The following C4BPB variants were observed in gnomAD, a reference collection of about 807,000 sequenced individuals.
C4BPB encodes the protein C4b-binding protein beta chain.
In C4BPB, 19 loss-of-function variants were observed where a neutral mutation model predicts 26.6. The observed-to-expected ratio is 0.71, with a 90% CI of 0.50 to 1.05. The LOEUF (loss-of-function observed/expected upper bound fraction) is 1.05. Ranked by LOEUF, C4BPB falls within the 50% of genes least tolerant of loss-of-function variation. The pLI, the probability that C4BPB is intolerant of heterozygous loss-of-function variation, is 0.00. For missense variants in C4BPB, 282 were observed against 302.9 expected, an observed-to-expected ratio of 0.93 and a Z score of 0.51; for synonymous variants, 118 against 103.5, an observed-to-expected ratio of 1.14 and a Z score of -0.85.
At chr1:207,089,192 G>A (rs1277786721) in intron 1 of C4BPB, 2 of 274,836 alleles carry the variant, frequency 7.3e-6, no homozygotes, top group African/African-American at 4.4e-5. Flanking sequence ...ATGTTTGTTG[G>A]GGAAGGATAA....
chr1:207,096,855 C>T (rs1457015401), intron 5 of C4BPB, among the ~76,000 whole-genome samples: 1 of 152,132 alleles, frequency 6.6e-6, no homozygotes, highest in Admixed American at 6.6e-5. Context: ...TCCTCTCCGC[C>T]AAGACAAGAT....
At chr1:207,095,459 T>C in intron 4 of C4BPB, 1 of 455,278 alleles carries the variant, frequency 2.2e-6, no homozygotes, top group Non-Finnish European at 4.4e-6. Flanking sequence ...GCCTCCCAAG[T>C]AGCTGGGATT....
chr1:207,097,614 CTT>C (rs902987203), intron 5 of C4BPB, among the ~76,000 whole-genome samples: 1 of 149,132 alleles, frequency 6.7e-6, no homozygotes, highest in African/African-American at 2.5e-5. Context: ...AATATAAAGA[CTT>C]AGTGTATAGA....
intron 6 of C4BPB, among the ~76,000 whole-genome samples, 192 bp from the exon 7 acceptor site, chr1:207,099,597 G>C (rs1180953033): frequency 1.3e-5 from 2 of 152,138 alleles, no homozygotes; most frequent in Non-Finnish European, 2.9e-5. Flanking sequence ...ATTTATTACT[G>C]GGATAATATT....
At chr1:207,097,998 T>C (rs1684325617) in intron 5 of C4BPB, 152 bp from the exon 6 acceptor site, 1 of 632,612 alleles carries the variant, frequency 1.6e-6, no homozygotes, top group African/African-American at 1.8e-5. Flanking sequence ...TGCTTTGTAA[T>C]ACCGAGATAA....
chr1:207,092,841 G>T (rs972830587), intron 4 of C4BPB, among the ~76,000 whole-genome samples: 1 of 151,846 alleles, frequency 6.6e-6, no homozygotes, highest in African/African-American at 2.4e-5. Context: ...TGGCCAGACT[G>T]GTCTTGAACT....
At position 207,089,635 on chromosome 1, in the gene C4BPB, T is replaced by G. The variant is rs12711513; in HGVS notation, c.58+46T>G. 815,070 of 1,539,668 alleles carry G rather than the reference T, an allele frequency of 0.53. 221,031 individuals are homozygous for G. The highest frequency in any genetic ancestry group is 0.88 in the East Asian group (39,358 of 44,530). On this transcript the variant is annotated intron_variant, in intron 2 of 6. Transcript: ENST00000367078. Reference sequence around the variant, plus strand: ...CTCAGCTTACAGGCATTTGGTGTCCTTTTGCGGTGTTTTGAGGAACTCTGT... The same window carrying G: ...CTCAGCTTACAGGCATTTGGTGTCCGTTTGCGGTGTTTTGAGGAACTCTGT...
chr1:207,095,294 C>T (rs1444419409), intron 4 of C4BPB: 2 of 456,686 alleles, frequency 4.4e-6, no homozygotes, highest in South Asian at 3.1e-5. Flanking sequence ...TCCACAGTTC[C>T]ACAGACTCGT....
Position 207,096,616 on chromosome 1 carries a change from G to GCTGTGTTCACT in C4BPB, c.503+1_503+2insCTGTGTTCACT. The GCTGTGTTCACT allele has an allele frequency of 6.5e-7, 1 of 1,541,552 alleles. No homozygotes were observed. On this transcript the variant is annotated splice_donor_variant, in intron 5 of 6. Coordinates refer to ENST00000367078, the MANE Select transcript of C4BPB (RefSeq NM_001017365.3). LOFTEE classifies it high-confidence loss of function. ...CCATTAGTTATTACTGTGAAGACAGGTAAGTGAACACAGCCTGTCAAATGC... is the reference window on the plus strand; with the variant it reads ...CCATTAGTTATTACTGTGAAGACAGGCTGTGTTCACTTAAGTGAACACAGCCTGTCAAATGC...
chr1:207,089,684 T>C (rs367768164), intron 2 of C4BPB, 95 bp downstream of exon 2: 9 of 1,007,424 alleles, frequency 8.9e-6, no homozygotes, highest in African/African-American at 4.9e-5. Context: ...GAAGTTTACA[T>C]TTATAATATC....
chr1:207,099,694 C>T (rs1684389535), intron 6 of C4BPB, 95 bp from the exon 7 acceptor site: 1 of 954,842 alleles, frequency 1.0e-6, no homozygotes, highest in South Asian at 2.3e-5. Context: ...TTCTGAGCCC[C>T]CATTCAGAGA....
chr1:207,096,132 C>T (rs770215804), intron 4 of C4BPB: 24 of 239,782 alleles, frequency 1.0e-4, no homozygotes, highest in African/African-American at 7.1e-5. Flanking sequence ...TGAGCTCACA[C>T]GCTTCATCTC....
chr1:207,099,266 C>G (rs955736454), intron 6 of C4BPB, among the ~76,000 whole-genome samples: 1 of 152,228 alleles, frequency 6.6e-6, no homozygotes, highest in Non-Finnish European at 1.5e-5. Flanking sequence ...GTTTCACGCT[C>G]TTATGAGAAT....
In C4BPB at chr1:207,099,860, C is replaced by T. The variant is rs765218136; in HGVS notation, c.690C>T (p.Gly230=). 63 of 1,613,646 alleles carry T rather than the reference C, an allele frequency of 3.9e-5. No homozygotes were observed. The highest frequency in any genetic ancestry group is 4.7e-5 in the Non-Finnish European group (56 of 1,179,698). The change falls in exon 7 of 7, where the codon GGC becomes GGT. Residue 230 remains glycine (G), a synonymous_variant. Transcript: ENST00000367078. ...ENFMQQLKES[G]MTMEELKYSL... ...TTATGCAACAATTAAAGGAAAGTGG[C>T]ATGACAATGGAGGAGCTAAAATATT...
In C4BPB at chr1:207,089,464, T is replaced by C; in HGVS notation, c.-50-18T>C. ...TGGTCTTAAGCAGTGTTAGAAGATC[T>C]ATTTTTTTTCAAACCAGGTGTCTGA... On this transcript the variant is annotated intron_variant, in intron 1 of 6. Transcript: ENST00000367078. 1 of 1,404,876 alleles carries C rather than the reference T, an allele frequency of 7.1e-7. No individual in the cohort carries two copies. Among genetic ancestry groups the C allele is most frequent in the African/African-American group, 1.4e-5 (1 of 70,976 alleles). The allele number at this position is 1,404,876 out of a possible 1,614,324, so 87.0% of individuals were successfully genotyped here. A position where few individuals can be genotyped will look rare whatever the true frequency, so the allele number is the denominator to read the frequency against.
In C4BPB at chr1:207,091,753, G is replaced by A. The variant is rs1413409333; in HGVS notation, c.342G>A (p.Lys114=). 1.2e-6 allele frequency: 2 copies of A among 1,614,022 alleles called. No homozygotes were observed. The highest frequency in any genetic ancestry group is 2.2e-5 in the East Asian group (1 of 44,898). ...TGTGCAATGACCACTACATCCTCAA[G>A]GGCAGCAATCGGAGCCAGTGTCTAG... ...TFMCNDHYIL[K]GSNRSQCLED... is the part of the protein sequence containing the mutation. The change falls in exon 4 of 7, where the codon AAG becomes AAA. Residue 114 remains lysine (K), a synonymous_variant. Coordinates refer to ENST00000367078, the MANE Select transcript of C4BPB (RefSeq NM_001017365.3).
At chr1:207,089,405 T>C (rs1167826512) in intron 1 of C4BPB, 77 bp from the exon 2 acceptor site, 2 of 726,446 alleles carry the variant, frequency 2.8e-6, no homozygotes, top group South Asian at 1.7e-5. Context: ...GGTAAATCAA[T>C]ATAACCTCTT....
Position 207,091,736 on chromosome 1 carries a change from G to T in C4BPB, c.325G>T (p.Asp109Tyr). ...VSDKITFMCN[D>Y]HYILKGSNRS... ...TGACAAAATCACGTTTATGTGCAATGACCACTACATCCTCAAGGGCAGCAA... is the reference window on the plus strand; with the variant it reads ...TGACAAAATCACGTTTATGTGCAATTACCACTACATCCTCAAGGGCAGCAA... The change falls in exon 4 of 7, where the codon GAC (aspartate) becomes TAC (tyrosine). Residue 109 changes from aspartate (D) to tyrosine (Y), a missense_variant. Physicochemically the swap from Asp to Tyr is radical, Grantham distance 160. Transcript: ENST00000367078. 5.6e-6 allele frequency: 9 copies of T among 1,614,084 alleles called. No individual in the cohort carries two copies. The highest frequency in any genetic ancestry group is 7.6e-6 in the Non-Finnish European group (9 of 1,179,960).
intron 5 of C4BPB, 192 bp from the exon 6 acceptor site, chr1:207,097,958 T>C (rs1684324495): frequency 1.3e-5 from 7 of 532,344 alleles, no homozygotes; most frequent in Non-Finnish European, 1.7e-5. Flanking sequence ...GGTCCTCTCC[T>C]ACCTCCAGGA....
Sources: allele counts gnomAD v4.1 joint callset (sites outside exome capture counted in the v4.1 genomes callset), GRCh38; gene constraint gnomAD v4.1.1; transcripts MANE v1.5; gene names NCBI Gene and HGNC (gene_info 2026-07-23, HGNC 2026-07-21).